EGLN1: variants seen among roughly 807,000 people sequenced by gnomAD.
EGLN1 encodes egl-9 family hypoxia inducible factor 1.
A neutral mutation model predicts 38.3 loss-of-function variants in EGLN1; 17 were observed. That is an observed-to-expected ratio of 0.44 (90% confidence interval 0.30 to 0.67). The LOEUF (loss-of-function observed/expected upper bound fraction) is 0.67. EGLN1 is among the 30% of genes least tolerant of loss of function. EGLN1 has a pLI of 0.08. For missense variants in EGLN1, 477 were observed against 603.3 expected (o/e 0.79, Z 2.19); for synonymous variants, 283 against 257.5 (o/e 1.10, Z -0.95).
intron 1 of EGLN1, among the ~76,000 whole-genome samples, chr1:231,404,640 A>T (rs968505358): frequency 1.3e-5 from 2 of 152,042 alleles, no homozygotes; most frequent in Admixed American, 1.3e-4. Flanking sequence ...TTAAAGAATA[A>T]ACTCATTTGT....
chr1:231,406,670 G>A (rs1688804630), intron 1 of EGLN1, among the ~76,000 whole-genome samples: 1 of 151,944 alleles, frequency 6.6e-6, no homozygotes, highest in African/African-American at 2.4e-5. Context: ...GTTTAGTTTT[G>A]GTATGGTTTT....
At chr1:231,391,698 ATAAG>A (rs1688391876) in intron 1 of EGLN1, among the ~76,000 whole-genome samples, 1 of 152,226 alleles carries the variant, frequency 6.6e-6, no homozygotes, top group Admixed American at 6.5e-5. Flanking sequence ...ACCAATTTGA[ATAAG>A]TAAACAGGAC....
At chr1:231,411,308 C>CCCTTT in intron 1 of EGLN1, among the ~76,000 whole-genome samples, 1 of 152,182 alleles carries the variant, frequency 6.6e-6, no homozygotes, top group Non-Finnish European at 1.5e-5. Context: ...CTTTTGCCTT[C>CCCTTT]TGCCATAATT....
In EGLN1 at chr1:231,366,421, T is replaced by C. The variant is rs1368854548; in HGVS notation, c.1271A>G (p.Asp424Gly). The C allele has an allele frequency of 6.2e-7, 1 of 1,613,862 alleles. No individual in the cohort carries two copies. Among genetic ancestry groups the C allele is most frequent in the African/African-American group, 1.3e-5 (1 of 74,898 alleles). The part of the protein sequence containing the change: ...LNKPSDSVGK[D>G]VF The stretch of plus-strand genomic sequence containing the variant: ...GCTGGATCAAAGGCTCTAGAAGACG[T>C]CTTTACCGACCGAATCTGAAGGTTT... Residue 424 changes from aspartate to glycine, a missense_variant, in exon 5 of 5, where the codon GAC (aspartate) becomes GGC (glycine). By Grantham distance (94) the Asp-to-Gly change is moderately conservative (BLOSUM62 -1). This residue lies in a region of EGLN1 where 59 missense variants were observed against 119.0 expected (regional missense o/e 0.50). Transcript: ENST00000366641.
At chr1:231,370,099 TTC>T (rs1279348488) in intron 3 of EGLN1, among the ~76,000 whole-genome samples, 1 of 152,230 alleles carries the variant, frequency 6.6e-6, no homozygotes, top group Non-Finnish European at 1.5e-5. Context: ...CTTTTCTTTC[TTC>T]TGTTTTTCTC....
chr1:231,372,442 G>A (rs1041025670), intron 2 of EGLN1, among the ~76,000 whole-genome samples: 1 of 152,098 alleles, frequency 6.6e-6, no homozygotes, highest in African/African-American at 2.4e-5. Context: ...AAGTATTATA[G>A]AAATTATAAG....
At chr1:231,378,468 T>C (rs1688008474) in intron 1 of EGLN1, among the ~76,000 whole-genome samples, 1 of 152,298 alleles carries the variant, frequency 6.6e-6, no homozygotes, top group Middle Eastern at 3.4e-3. Flanking sequence ...GATGTTCTTT[T>C]TTACGTTTTC....
intron 1 of EGLN1, among the ~76,000 whole-genome samples, chr1:231,381,056 G>A (rs950702008): frequency 3.3e-5 from 5 of 152,042 alleles, no homozygotes; most frequent in East Asian, 3.9e-4. Flanking sequence ...ACAGGTACAC[G>A]CTACCACACC....
intron 1 of EGLN1, among the ~76,000 whole-genome samples, chr1:231,414,584 T>C (rs1047339297): frequency 1.3e-5 from 2 of 151,938 alleles, no homozygotes; most frequent in African/African-American, 2.4e-5. Context: ...TTAAGAAAAT[T>C]AGGTAGGAGA....
At chr1:231,370,341 G>A (rs1687783842) in intron 3 of EGLN1, among the ~76,000 whole-genome samples, 1 of 152,202 alleles carries the variant, frequency 6.6e-6, no homozygotes, top group African/African-American at 2.4e-5. Flanking sequence ...GAGTGGCTGT[G>A]CAAAGAAAGA....
At chr1:231,389,466 A>G (rs1391774153) in intron 1 of EGLN1, among the ~76,000 whole-genome samples, 1 of 152,210 alleles carries the variant, frequency 6.6e-6, no homozygotes, top group East Asian at 1.9e-4. Flanking sequence ...TCCAGCGAGT[A>G]ACAGTGGCAA....
intron 3 of EGLN1, chr1:231,369,588 C>CT: frequency 1.0e-6 from 1 of 985,346 alleles, no homozygotes; most frequent in African/African-American, 1.7e-5. Context: ...ACCTGCTTAG[C>CT]TTGCTACTCA....
intron 1 of EGLN1, among the ~76,000 whole-genome samples, chr1:231,388,889 A>G (rs773970926): frequency 6.6e-6 from 1 of 152,176 alleles, no homozygotes; most frequent in Non-Finnish European, 1.5e-5. Flanking sequence ...TCCCAACCTC[A>G]GGCGATCTGC....
Position 231,371,288 on chromosome 1 carries a change from GTTTA to G in EGLN1, c.1012-594_1012-591del, listed in dbSNP as rs553917265. ...TTGAAAGCTTTTAAAACTACTAAAC[GTTTA>G]TTTTTGTATGTTAATGATTTGCTTA... is the stretch of plus-strand genomic sequence containing the variant. On this transcript the variant is annotated intron_variant, in intron 2 of 4. Coordinates refer to ENST00000366641, the MANE Select transcript of EGLN1 (RefSeq NM_022051.3). Among the ~76,000 whole-genome samples, 5 of 152,132 alleles carry G rather than the reference GTTTA, an allele frequency of 3.3e-5. No homozygotes were observed. In the East Asian group the frequency reaches 9.6e-4, roughly 29 times the overall value.
chr1:231,375,974 A>C (rs991185140), intron 1 of EGLN1, among the ~76,000 whole-genome samples: 2 of 152,170 alleles, frequency 1.3e-5, no homozygotes, highest in Non-Finnish European at 2.9e-5. Flanking sequence ...CTCTTGTGTA[A>C]AGAAGGAAGG....
intron 1 of EGLN1, among the ~76,000 whole-genome samples, chr1:231,406,987 C>T (rs144974595): frequency 5.2e-4 from 79 of 152,292 alleles, no homozygotes; most frequent in Middle Eastern, 3.4e-3. Context: ...ACTACAACCA[C>T]TCTTTGCACA....
chr1:231,373,650 G>A (rs1216899555), intron 2 of EGLN1, among the ~76,000 whole-genome samples: 2 of 151,144 alleles, frequency 1.3e-5, no homozygotes, highest in East Asian at 1.9e-4. Flanking sequence ...TCAAAGTTCC[G>A]TTTCCCTTCC....
intron 1 of EGLN1, among the ~76,000 whole-genome samples, chr1:231,402,913 A>AC (rs1352693788): frequency 6.6e-6 from 1 of 151,990 alleles, no homozygotes; most frequent in Non-Finnish European, 1.5e-5. Flanking sequence ...CTTTATTAAA[A>AC]AAAAAAAATC....
chr1:231,366,560 A>C, intron 4 of EGLN1, 85 bp from the exon 5 acceptor site: 1 of 1,352,644 alleles, frequency 7.4e-7, no homozygotes, highest in Non-Finnish European at 1.0e-6. Flanking sequence ...AATTCCTAAG[A>C]GTATGGACAA....
Sources: gnomAD v4.1 joint callset for allele counts (sites outside exome capture counted in the v4.1 genomes callset) on GRCh38, gnomAD v4.1.1 for gene constraint, gnomAD v4.1.1 regional missense constraint, MANE v1.5 for transcripts, NCBI Gene and HGNC (gene_info 2026-07-23, HGNC 2026-07-21) for gene names.